TBC1D26: variants seen among roughly 807,000 people sequenced by gnomAD.
TBC1D26 encodes the protein TBC1 domain family member 26.
Under a neutral mutation model 42.5 loss-of-function variants are expected in TBC1D26, and 19 were observed. The ratio of observed to expected loss-of-function variants is 0.45; its 90% CI spans 0.31 to 0.66. The LOEUF is 0.66. Among genes scored for constraint, TBC1D26 ranks in the 30% least tolerant of loss-of-function variants. The pLI is 0.06. For missense variants in TBC1D26, 228 were observed against 332.6 expected (o/e 0.69, Z 2.45); for synonymous variants, 97 against 123.5 (o/e 0.79, Z 1.42).
intron 9 of TBC1D26, chr17:15,740,437 G>A: frequency 7.3e-7 from 1 of 1,371,730 alleles, no homozygotes; most frequent in Non-Finnish European, 9.4e-7. Flanking sequence ...GTAGGAGACA[G>A]GTTTGACAAG....
At chr17:15,737,176 C>T (rs1967637562) in intron 4 of TBC1D26, among the ~76,000 whole-genome samples, 1 of 152,044 alleles carries the variant, frequency 6.6e-6, no homozygotes, top group Non-Finnish European at 1.5e-5. Context: ...ACTGGACTTT[C>T]TTAGCGTCCA....
chr17:15,740,569 G>T, intron 9 of TBC1D26: 2 of 1,124,670 alleles, frequency 1.8e-6, no homozygotes, highest in Non-Finnish European at 2.2e-6. Flanking sequence ...CCCCATAGGA[G>T]CATAGCAGAT....
intron 1 of TBC1D26, among the ~76,000 whole-genome samples, chr17:15,734,324 C>T (rs1567722618): frequency 6.6e-6 from 1 of 152,000 alleles, no homozygotes; most frequent in Non-Finnish European, 1.5e-5. Flanking sequence ...AATTCTTGGT[C>T]CAAGTCTGTG....
In TBC1D26 at chr17:15,738,086, G is replaced by A. The variant is rs1242693171; in HGVS notation, c.279+9G>A. The A allele has an allele frequency of 6.2e-7, 1 of 1,614,234 alleles. No homozygotes were observed. On this transcript the variant is annotated intron_variant, in intron 6 of 14. Coordinates refer to ENST00000437605, the MANE Select transcript of TBC1D26 (RefSeq NM_001388465.1). ...ATAGGAGCACCAAGAAGGTAACATGGGGAGGAAGTGGCCCGCGTGACTGCT... is the reference window on the plus strand; with the variant it reads ...ATAGGAGCACCAAGAAGGTAACATGAGGAGGAAGTGGCCCGCGTGACTGCT...
chr17:15,743,304 T>C, intron 13 of TBC1D26, 63 bp from the exon 14 acceptor site: 2 of 898,890 alleles, frequency 2.2e-6, no homozygotes, highest in East Asian at 1.2e-4. Context: ...CTGGTAGAAA[T>C]GGGGTGCAGG....
In TBC1D26 at chr17:15,737,528, G is replaced by C. The variant is rs1967649713; in HGVS notation, c.198+5G>C. The C allele has an allele frequency of 6.3e-7, 1 of 1,586,390 alleles. No individual in the cohort carries two copies. The highest frequency in any genetic ancestry group is 2.2e-5 in the East Asian group (1 of 44,806). Reference sequence around the variant, plus strand: ...GTCAGTGCCCTGGAGGTGAAGGTAAGAGCCTGTGCCTGCTGCGTGGGAGGC... The same window carrying C: ...GTCAGTGCCCTGGAGGTGAAGGTAACAGCCTGTGCCTGCTGCGTGGGAGGC... On this transcript the variant is annotated splice_donor_5th_base_variant and intron_variant, in intron 5 of 14. Transcript: ENST00000437605.
intron 9 of TBC1D26, 57 bp downstream of exon 9, chr17:15,740,205 G>T (rs1483246406): frequency 6.2e-7 from 1 of 1,614,042 alleles, no homozygotes; most frequent in Admixed American, 1.7e-5. Context: ...CACAGGCATG[G>T]GTGTCTCTTG....
intron 1 of TBC1D26, among the ~76,000 whole-genome samples, chr17:15,734,522 G>C (rs1050293440): frequency 4.6e-5 from 7 of 151,758 alleles, no homozygotes; most frequent in Non-Finnish European, 1.0e-4. Flanking sequence ...GGTGACAATC[G>C]TCTCTCCTGG....
At chr17:15,743,594 C>G in intron 14 of TBC1D26, 78 bp downstream of exon 14, 1 of 461,380 alleles carries the variant, frequency 2.2e-6, no homozygotes, top group Non-Finnish European at 2.9e-6. Flanking sequence ...GCCCCGCCAG[C>G]CCTCCTACCT....
intron 7 of TBC1D26, 126 bp from the exon 8 acceptor site, chr17:15,738,595 C>T: frequency 6.5e-7 from 1 of 1,532,774 alleles, no homozygotes; most frequent in Non-Finnish European, 9.0e-7. Context: ...TAAAAAGGAG[C>T]TTTCTGCAGA....
In TBC1D26 at chr17:15,741,932, G is replaced by A. The variant is rs865991437; in HGVS notation, c.647-10G>A. 11 of 1,613,598 alleles carry A rather than the reference G, an allele frequency of 6.8e-6. No individual in the cohort carries two copies. In the African/African-American group the frequency reaches 1.1e-4, roughly 16 times the overall value. On this transcript the variant is annotated splice_polypyrimidine_tract_variant and intron_variant, in intron 10 of 14. Coordinates refer to ENST00000437605, the MANE Select transcript of TBC1D26 (RefSeq NM_001388465.1). ...GGGTCTGATGGGGTGATGGGTCGCGGGCTTCTCAGTATTCTACAGCCCAAA... is the reference window on the plus strand; with the variant it reads ...GGGTCTGATGGGGTGATGGGTCGCGAGCTTCTCAGTATTCTACAGCCCAAA...
At chr17:15,741,082 C>T (rs1372955687) in intron 9 of TBC1D26, 40 bp from the exon 10 acceptor site, 14 of 1,602,526 alleles carry the variant, frequency 8.7e-6, no homozygotes, top group Non-Finnish European at 1.2e-5. Context: ...CCTCAGTCCT[C>T]CTAGGTGACA....
At chr17:15,736,240 G>C (rs1014299744) in intron 4 of TBC1D26, among the ~76,000 whole-genome samples, 5 of 152,244 alleles carry the variant, frequency 3.3e-5, no homozygotes, top group African/African-American at 1.2e-4. Flanking sequence ...AAGGCCCCGG[G>C]AGTGGTGCAG....
chr17:15,737,985 C>G lies in TBC1D26; in HGVS notation c.199-12C>G. ...GGCAGCTCCGCTAACTCCATCATGG[C>G]TCATTTGACAGCAAAGACGCAAGGA... On this transcript the variant is annotated splice_polypyrimidine_tract_variant and intron_variant, in intron 5 of 14. Coordinates refer to ENST00000437605, the MANE Select transcript of TBC1D26 (RefSeq NM_001388465.1). The G allele has an allele frequency of 6.2e-7, 1 of 1,614,052 alleles. No individual in the cohort carries two copies. Among genetic ancestry groups the G allele is most frequent in the Non-Finnish European group, 8.5e-7 (1 of 1,179,922 alleles).
At chr17:15,742,355 A>G in intron 11 of TBC1D26, 59 bp from the exon 12 acceptor site, 1 of 410,014 alleles carries the variant, frequency 2.4e-6, no homozygotes, top group Non-Finnish European at 4.5e-6. Context: ...AGGGGCCTGG[A>G]AGTGGGAGGA....
At chr17:15,744,168 A>G (rs538353175) in intron 14 of TBC1D26, 75 bp from the exon 15 acceptor site, 1 of 152,290 alleles carries the variant, frequency 6.6e-6, no homozygotes, top group East Asian at 1.9e-4. Flanking sequence ...AGAACCATAC[A>G]CTTGTATAGC....
Position 15,740,125 on chromosome 17 carries a change from G to T in TBC1D26, c.523G>T (p.Val175Leu). 1.9e-6 allele frequency: 3 copies of T among 1,613,850 alleles called. No individual in the cohort carries two copies. The highest frequency in any genetic ancestry group is 1.7e-6 in the Non-Finnish European group (2 of 1,179,934). ...GCAGCAGGAATTATGTGACATCCTC[G>T]TGGCCTATTCTGCATATAACCCTGT... ...VKQQELCDILVAYSAYNPEVG... is the reference protein window; with the variant it reads ...VKQQELCDILLAYSAYNPEVG... Residue 175 changes from valine (V) to leucine (L), a missense_variant, in exon 9 of 15, where the codon GTG (valine) becomes TTG (leucine). By Grantham distance (32) the Val-to-Leu change is conservative. Around this residue, in one of 5 missense-constraint regions of TBC1D26, gnomAD observed 130 missense variants for 168.5 expected, o/e 0.77. Coordinates refer to ENST00000437605, the MANE Select transcript of TBC1D26 (RefSeq NM_001388465.1).
At chr17:15,734,480 A>T (rs1967557219) in intron 1 of TBC1D26, among the ~76,000 whole-genome samples, 1 of 151,808 alleles carries the variant, frequency 6.6e-6, no homozygotes. Flanking sequence ...GCAGTTGTGG[A>T]AAATGAAGGA....
At chr17:15,735,097 G>A in intron 2 of TBC1D26, 27 bp downstream of exon 2, 1 of 572,688 alleles carries the variant, frequency 1.7e-6, no homozygotes. Flanking sequence ...GGGTGTTCAG[G>A]GACAATAGGC....
Sources: allele counts gnomAD v4.1 joint callset (sites outside exome capture counted in the v4.1 genomes callset), GRCh38; gene constraint gnomAD v4.1.1; regional missense constraint gnomAD v4.1.1; transcripts MANE v1.5; gene names NCBI Gene and HGNC (gene_info 2026-07-23, HGNC 2026-07-21).